IFITM10: variants seen among roughly 807,000 people sequenced by gnomAD.
IFITM10 encodes interferon-induced transmembrane protein 10.
A neutral mutation model predicts 19.0 loss-of-function variants in IFITM10; 17 were observed. The ratio of observed to expected loss-of-function variants is 0.90; its 90% CI spans 0.61 to 1.34. The LOEUF is 1.34. Ranked by LOEUF, IFITM10 falls within the 40% of genes most tolerant of loss-of-function variation. The probability of loss-of-function intolerance (pLI) is 0.00; values close to 1 mark genes in which losing one functional copy is unlikely to be tolerated. For missense variants in IFITM10, 306 were observed against 319.8 expected, an observed-to-expected ratio of 0.96 and a Z score of 0.33; for synonymous variants, 148 against 147.2, an observed-to-expected ratio of 1.01 and a Z score of -0.04.
intron 1 of IFITM10, chr11:1,748,962 A>C (rs548908376): frequency 8.6e-5 from 73 of 848,190 alleles, no homozygotes; most frequent in Non-Finnish European, 9.8e-5. Flanking sequence ...GAGGCTCTGC[A>C]GCCCCCAGCC....
chr11:1,737,770 A>G (rs1851102194), intron 2 of IFITM10, among the ~76,000 whole-genome samples: 1 of 152,232 alleles, frequency 6.6e-6, no homozygotes, highest in South Asian at 2.1e-4. Flanking sequence ...TAGAATTTCC[A>G]CAAGATAAAC....
chr11:1,735,034 GC>G lies in IFITM10; in HGVS notation c.*245del. On this transcript the variant is annotated 3_prime_UTR_variant, in exon 3 of 3. Transcript: ENST00000340134. ...CCAGGGTGCAGCAGCGAGGGGAGAA[GC>G]CCCCAGGCCCCAGACACAGGCAGGG... The G allele has an allele frequency of 5.8e-6, 3 of 520,326 alleles. No individual in the cohort carries two copies. Among genetic ancestry groups the G allele is most frequent in the Non-Finnish European group, 6.8e-6 (2 of 294,634 alleles). The allele number at this position is 520,326 out of a possible 1,614,324, so 32.2% of individuals were successfully genotyped here. A position where few individuals can be genotyped will look rare whatever the true frequency, so the allele number is the denominator to read the frequency against.
intron 2 of IFITM10, chr11:1,745,717 C>T (rs1449093818): frequency 6.6e-6 from 1 of 151,068 alleles, no homozygotes; most frequent in African/African-American, 2.5e-5. Flanking sequence ...CAGGCACACA[C>T]CCTCACACAC....
At chr11:1,747,574 G>A (rs941447446) in intron 2 of IFITM10, 93 bp downstream of exon 2, 2 of 1,128,890 alleles carry the variant, frequency 1.8e-6, no homozygotes, top group East Asian at 2.6e-5. Context: ...GCTCCCCTGA[G>A]AGGGAGAGGG....
Position 1,748,038 on chromosome 11 carries a change from G to A in IFITM10, c.166C>T (p.Leu56=), listed in dbSNP as rs1297351239. 3.5e-6 allele frequency: 5 copies of A among 1,424,914 alleles called. No homozygotes were observed. The African/African-American group carries it at 4.4e-5, about 13-fold the overall frequency. 88.3% of individuals were successfully genotyped at this position (1,424,914 alleles called of 1,614,324 possible). A position where few individuals can be genotyped will look rare whatever the true frequency, so the allele number is the denominator to read the frequency against. Reference sequence around the variant, plus strand: ...CTCGGAATCCAGAAGGCCCCGTCCAGGGGGACTCGGGCTTCCTGGGCGCCG... The same window carrying A: ...CTCGGAATCCAGAAGGCCCCGTCCAAGGGGACTCGGGCTTCCTGGGCGCCG... ...TDGAQEARVP[L]DGAFWIPRPP... is the part of the protein sequence containing the mutation. The change falls in exon 2 of 3, where the codon CTG becomes TTG. Residue 56 remains leucine, a synonymous_variant. Transcript: ENST00000340134.
intron 2 of IFITM10, 105 bp downstream of exon 2, chr11:1,747,562 G>T: frequency 2.0e-6 from 2 of 981,190 alleles, no homozygotes; most frequent in Non-Finnish European, 3.1e-6. Flanking sequence ...TTCTACCCGT[G>T]TGCTCCCCTG....
In IFITM10 at chr11:1,732,899, A is replaced by C. The variant is rs1211592663; in HGVS notation, c.*2381T>G. On this transcript the variant is annotated 3_prime_UTR_variant, in exon 3 of 3. Coordinates refer to ENST00000340134, the MANE Select transcript of IFITM10 (RefSeq NM_001170820.4). ...GGTGTTTCCTCCTGGCCCCTGTCCC[A>C]GGCAGCCACCAGCACTGCCACCAAA... The C allele has an allele frequency of 6.6e-6, 1 of 152,184 alleles. No homozygotes were observed. The highest frequency in any genetic ancestry group is 1.5e-5 in the Non-Finnish European group (1 of 68,054). 9.4% of individuals were successfully genotyped at this position (152,184 alleles called of 1,614,324 possible).
intron 2 of IFITM10, among the ~76,000 whole-genome samples, chr11:1,743,743 C>T (rs1845600168): frequency 6.6e-6 from 1 of 152,172 alleles, no homozygotes; most frequent in South Asian, 2.1e-4. Context: ...TCTCCCACCC[C>T]CATCCCCAGC....
chr11:1,737,545 T>G (rs1851100155), intron 2 of IFITM10, among the ~76,000 whole-genome samples: 1 of 152,198 alleles, frequency 6.6e-6, no homozygotes, highest in Non-Finnish European at 1.5e-5. Flanking sequence ...ACGACAGCGC[T>G]GCCTCCCAGG....
chr11:1,733,273 GCCCT>G lies in IFITM10; in HGVS notation c.*2003_*2006del, dbSNP rs1851047760. 6.5e-6 allele frequency: 1 copy of G among 153,320 alleles called. No homozygotes were observed. Among genetic ancestry groups the G allele is most frequent in the African/African-American group, 2.4e-5 (1 of 41,400 alleles). 9.5% of individuals were successfully genotyped at this position (153,320 alleles called of 1,614,324 possible). On this transcript the variant is annotated 3_prime_UTR_variant, in exon 3 of 3. Transcript: ENST00000340134. The surrounding 1 kb of genome is among the most constrained non-coding windows in gnomAD (Gnocchi z 6.3). ...TCAGCCTCGCAGCCCGCCGCCTCCT[GCCCT>G]CCCATCCCACCACTGCCTGGGTTCA...
intron 2 of IFITM10, chr11:1,746,368 ATATG>A (rs1845650000): frequency 2.5e-6 from 1 of 395,282 alleles, no homozygotes; most frequent in Non-Finnish European, 4.5e-6. Context: ...ACACAAAAAT[ATATG>A]TACACACTCA....
rs1459042760 is a variant in IFITM10, at chr11:1,735,316, G to C, written c.651C>G (p.Val217=). The C allele has an allele frequency of 2.6e-6, 4 of 1,551,750 alleles. No individual in the cohort carries two copies. In the East Asian group the frequency reaches 7.3e-5, roughly 28 times the overall value. Residue 217 remains valine, a synonymous_variant, in exon 3 of 3, where the codon GTC becomes GTG. Transcript: ENST00000340134. Reference sequence around the variant, plus strand: ...TGAGGGGGTACCGCAGGAAGATGAAGACGAGGATGATGCAGGAGGCTGCCA... The same window carrying C: ...TGAGGGGGTACCGCAGGAAGATGAACACGAGGATGATGCAGGAGGCTGCCA... ...SALAASCIIL[V]FIFLRYPLTD...
chr11:1,745,376 C>T (rs1295388468), intron 2 of IFITM10: 1 of 152,264 alleles, frequency 6.6e-6, no homozygotes, highest in African/African-American at 2.4e-5. Context: ...CTTCAGCCCC[C>T]CAACACTGGA....
chr11:1,738,262 A>C (rs549957791), intron 2 of IFITM10, among the ~76,000 whole-genome samples: 83 of 152,338 alleles, frequency 5.4e-4, no homozygotes, highest in African/African-American at 1.8e-3. Context: ...ACAGTCCAAC[A>C]AACCCATCAT....
At chr11:1,747,545 G>A (rs996429952) in intron 2 of IFITM10, 122 bp downstream of exon 2, 10 of 835,680 alleles carry the variant, frequency 1.2e-5, no homozygotes, top group Admixed American at 2.5e-5. Flanking sequence ...CCCCTCAACT[G>A]CACCTGTTCT....
rs761226096 is a variant in IFITM10, at chr11:1,734,425, G to T, written c.*855C>A. 1 of 152,290 alleles carries T rather than the reference G, an allele frequency of 6.6e-6. No homozygotes were observed. The highest frequency in any genetic ancestry group is 1.5e-5 in the Non-Finnish European group (1 of 68,094). 9.4% of individuals were successfully genotyped at this position (152,290 alleles called of 1,614,324 possible). A position where few individuals can be genotyped will look rare whatever the true frequency, so the allele number is the denominator to read the frequency against. ...CGAGAGAGGTAAAGGGGCCTGTCCAGGTCCCAGAGCCCTCCAGGAGGGACA... is the reference window on the plus strand; with the variant it reads ...CGAGAGAGGTAAAGGGGCCTGTCCATGTCCCAGAGCCCTCCAGGAGGGACA... On this transcript the variant is annotated 3_prime_UTR_variant, in exon 3 of 3. Coordinates refer to ENST00000340134, the MANE Select transcript of IFITM10 (RefSeq NM_001170820.4).
At chr11:1,749,136 G>C in intron 1 of IFITM10, 13 of 1,001,776 alleles carry the variant, frequency 1.3e-5, no homozygotes, top group Non-Finnish European at 1.6e-5. Context: ...CCTTGAGGGG[G>C]TGGGGAGCGC....
At position 1,735,463 on chromosome 11, in the gene IFITM10, C is replaced by A. The variant is rs1368160863; in HGVS notation, c.538-34G>T. 9 of 1,545,484 alleles carry A rather than the reference C, an allele frequency of 5.8e-6. No individual in the cohort carries two copies. The African/African-American group carries it at 6.8e-5, about 12-fold the overall frequency. ...GGGAGGAGGACAGGAAATGGGCAGTCAGCCAGGGAGCAGGGCCTTGGAGCA... is the reference window on the plus strand; with the variant it reads ...GGGAGGAGGACAGGAAATGGGCAGTAAGCCAGGGAGCAGGGCCTTGGAGCA... On this transcript the variant is annotated intron_variant, in intron 2 of 2. Transcript: ENST00000340134.
chr11:1,734,989 A>G lies in IFITM10; in HGVS notation c.*291T>C, dbSNP rs1173695003. ...AGCCTGGGAAGGGGCACGTGAGGGC[A>G]GGGACACAGACGCTGGAAGCCAGGG... On this transcript the variant is annotated 3_prime_UTR_variant, in exon 3 of 3. Transcript: ENST00000340134. 6.9e-6 allele frequency: 3 copies of G among 434,524 alleles called. No individual in the cohort carries two copies. Among genetic ancestry groups the G allele is most frequent in the Non-Finnish European group, 1.2e-5 (3 of 242,838 alleles). The allele number at this position is 434,524 out of a possible 1,614,324, so 26.9% of individuals were successfully genotyped here. A position where few individuals can be genotyped will look rare whatever the true frequency, so the allele number is the denominator to read the frequency against.
Sources: gnomAD v4.1 joint callset for allele counts (sites outside exome capture counted in the v4.1 genomes callset) on GRCh38, gnomAD v4.1.1 for gene constraint, Gnocchi (gnomAD v3.1) non-coding constraint, MANE v1.5 for transcripts, NCBI Gene and HGNC (gene_info 2026-07-23, HGNC 2026-07-21) for gene names.